Variants in PDE4D observed in about 807,000 individuals in gnomAD.
PDE4D encodes the protein phosphodiesterase 4D, also known as 3',5'-cyclic-AMP phosphodiesterase 4D.
In PDE4D, 24 loss-of-function variants were observed where a neutral mutation model predicts 87.4. That is an observed-to-expected ratio of 0.27 (90% CI 0.20 to 0.39). The LOEUF is 0.39. Among genes scored for constraint, PDE4D ranks in the 10% least tolerant of loss-of-function variants. PDE4D has a pLI of 1.00. For synonymous variants in PDE4D, 384 were observed against 383.2 expected (o/e 1.00, Z -0.02); for missense variants, 714 against 1,041.0 (o/e 0.69, Z 4.32).
intron 1 of PDE4D, among the ~76,000 whole-genome samples, chr5:59,308,075 A>T (rs1214453808): frequency 6.6e-6 from 1 of 152,070 alleles, no homozygotes; most frequent in Admixed American, 6.6e-5. Flanking sequence ...CATGGATGAA[A>T]TTGGAAATCA....
At chr5:59,831,880 A>C (rs1290606828) in intron 1 of PDE4D, among the ~76,000 whole-genome samples, 1 of 152,096 alleles carries the variant, frequency 6.6e-6, no homozygotes, top group Admixed American at 6.6e-5. Flanking sequence ...AAGAGCTTTG[A>C]CTATGAAAGC....
chr5:59,587,664 A>C lies in PDE4D; in HGVS notation c.455+305504T>G. The C allele has an allele frequency of 2.1e-6, 2 of 975,280 alleles. 1 individual carries two copies. The highest frequency in any genetic ancestry group is 9.5e-5 in the South Asian group (2 of 21,104). 60.4% of individuals were successfully genotyped at this position (975,280 alleles called of 1,614,324 possible). A position where few individuals can be genotyped will look rare whatever the true frequency, so the allele number is the denominator to read the frequency against. ...TCAGCTGCAGAGACTGCTGCCTGAC[A>C]GGGGATGTGCTGGCGTCAAGGGGGC... On this transcript the variant is annotated intron_variant, in intron 1 of 14. Transcript: ENST00000340635.
At chr5:59,532,652 A>C (rs1323091480) in intron 1 of PDE4D, among the ~76,000 whole-genome samples, 1 of 152,180 alleles carries the variant, frequency 6.6e-6, no homozygotes, top group Non-Finnish European at 1.5e-5. Context: ...CTTACCTAAA[A>C]ATTTAAGTTT....
rs1742653831 is a variant in PDE4D at position 58,971,813 on chromosome 5, T to TA, written c.*2850dup. On this transcript the variant is annotated 3_prime_UTR_variant, in exon 15 of 15. Transcript: ENST00000340635. ...ATTTTAGGAAATGTAAAGCCACTTGTAAAAGGATATTCTTTTATTCTTTTT... is the reference window on the plus strand; with the variant it reads ...ATTTTAGGAAATGTAAAGCCACTTGTAAAAAGGATATTCTTTTATTCTTTTT... 3 of 152,624 alleles carry TA rather than the reference T, an allele frequency of 2.0e-5. No homozygotes were observed. Among genetic ancestry groups the TA allele is most frequent in the Non-Finnish European group, 4.4e-5 (3 of 68,028 alleles). The allele number at this position is 152,624 out of a possible 1,614,324, so 9.5% of individuals were successfully genotyped here. A position where few individuals can be genotyped will look rare whatever the true frequency, so the allele number is the denominator to read the frequency against.
intron 1 of PDE4D, among the ~76,000 whole-genome samples, chr5:59,428,047 T>C (rs1310065876): frequency 6.6e-6 from 1 of 152,180 alleles, no homozygotes; most frequent in Admixed American, 6.5e-5. Flanking sequence ...TAAGATTTAG[T>C]ATGTTAACTG....
At chr5:59,297,644 TG>T (rs1396906384) in intron 1 of PDE4D, among the ~76,000 whole-genome samples, 9 of 152,100 alleles carry the variant, frequency 5.9e-5, no homozygotes, top group African/African-American at 2.2e-4. Flanking sequence ...TATCCTCCTA[TG>T]TCCCCAGTAC....
chr5:60,432,093 AGGAGAGGGAGAG>A (rs60718677), intron 1 of PDE4D, among the ~76,000 whole-genome samples: 3 of 150,114 alleles, frequency 2.0e-5, no homozygotes, highest in Non-Finnish European at 3.0e-5. Flanking sequence ...CGTGGGGAGA[AGGAGAGGGAGAG>A]GGAGAGGGAG....
rs527296862 is a variant in PDE4D, at chr5:60,084,996, A to G, written c.43-96279T>C. 4.6e-5 allele frequency among the ~76,000 whole-genome samples: 7 copies of G among 152,304 alleles called. No homozygotes were observed. In the East Asian group the frequency reaches 1.4e-3, roughly 29 times the overall value. On this transcript the variant is annotated intron_variant, in intron 2 of 16. Coordinates refer to the PDE4D transcript ENST00000502484. ...CCATGCCTTATTTAGGTGTTACGAG[A>G]TATTTTGAATATAAACTCTGATTTG...
At chr5:59,551,489 A>ACACG (rs1311253513) in intron 1 of PDE4D, among the ~76,000 whole-genome samples, 5 of 151,544 alleles carry the variant, frequency 3.3e-5, no homozygotes, top group Non-Finnish European at 5.9e-5. Flanking sequence ...ACACACACAC[A>ACACG]CACACAAATA....
At chr5:59,284,626 A>C (rs1766522567) in intron 1 of PDE4D, among the ~76,000 whole-genome samples, 2 of 134,078 alleles carry the variant, frequency 1.5e-5, no homozygotes, top group African/African-American at 5.7e-5. Context: ...ACTGTAAACT[A>C]GTTCAACCAT....
chr5:59,100,160 T>C (rs748959527), intron 5 of PDE4D, among the ~76,000 whole-genome samples: 2 of 152,194 alleles, frequency 1.3e-5, no homozygotes, highest in African/African-American at 4.8e-5. Context: ...GGTACCCGAG[T>C]GATTGCTCCA....
chr5:59,230,621 A>G (rs1285044827), intron 1 of PDE4D, among the ~76,000 whole-genome samples: 1 of 152,342 alleles, frequency 6.6e-6, no homozygotes, highest in Middle Eastern at 3.4e-3. Context: ...TTCTACTATA[A>G]TTGCCTTTAA....
chr5:60,011,754 A>G (rs531504379), intron 2 of PDE4D, among the ~76,000 whole-genome samples: 18 of 152,278 alleles, frequency 1.2e-4, no homozygotes, highest in African/African-American at 3.8e-4. Context: ...GCTCTAGGAC[A>G]TAAAGAAGCA....
At chr5:59,665,915 C>T (rs549827283) in intron 1 of PDE4D, among the ~76,000 whole-genome samples, 1 of 152,320 alleles carries the variant, frequency 6.6e-6, no homozygotes, top group East Asian at 1.9e-4. Flanking sequence ...GACTCCCCAG[C>T]CTCCAGCACT....
rs188144995 is a variant in PDE4D, at chr5:59,636,029, C to T, written c.455+257139G>A. ...AACTCCTTAAGCTGATAAGCAACTT[C>T]AGCAAAGTCTCAGGATAAAAACTCA... On this transcript the variant is annotated intron_variant, in intron 1 of 14. Transcript: ENST00000340635. 1.7e-3 allele frequency among the ~76,000 whole-genome samples: 254 copies of T among 152,338 alleles called. 1 individual carries two copies. The highest frequency in any genetic ancestry group is 4.8e-3 in the African/African-American group (200 of 41,588).
chr5:59,075,663 TGGAA>T (rs1223356280), intron 5 of PDE4D, among the ~76,000 whole-genome samples: 1 of 152,136 alleles, frequency 6.6e-6, no homozygotes, highest in Non-Finnish European at 1.5e-5. Flanking sequence ...TCTTATAATA[TGGAA>T]TTATTTCAAA....
intron 1 of PDE4D, among the ~76,000 whole-genome samples, chr5:59,472,981 A>G (rs1388894960): frequency 6.6e-6 from 1 of 151,456 alleles, no homozygotes. Context: ...AACAGGAGGA[A>G]GTTTAATCTA....
chr5:59,623,236 T>C (rs114916820), intron 1 of PDE4D, among the ~76,000 whole-genome samples: 477 of 152,248 alleles, frequency 3.1e-3, no homozygotes, highest in African/African-American at 0.011. Context: ...CCCTCTCACT[T>C]TCCTGTACCT....
intron 1 of PDE4D, among the ~76,000 whole-genome samples, chr5:59,401,659 T>C (rs1217119647): frequency 6.6e-6 from 1 of 152,208 alleles, no homozygotes; most frequent in Non-Finnish European, 1.5e-5. Context: ...TATTTGTCTC[T>C]TTCTATTAAA....
Sources: allele counts gnomAD v4.1 joint callset (sites outside exome capture counted in the v4.1 genomes callset), GRCh38; gene constraint gnomAD v4.1.1; transcripts MANE v1.5; gene names NCBI Gene and HGNC (gene_info 2026-07-23, HGNC 2026-07-21).